ADK: variants seen among roughly 807,000 people sequenced by gnomAD.
The protein encoded by ADK is adenosine kinase.
In ADK, 24 loss-of-function variants were observed where a neutral mutation model predicts 44.7. That is an observed-to-expected ratio of 0.54 (90% CI 0.39 to 0.76). ADK has a LOEUF of 0.76. Ranked by LOEUF, ADK falls within the 30% of genes least tolerant of loss-of-function variation. The pLI is 0.00. For synonymous variants in ADK, 128 were observed against 142.6 expected (o/e 0.90, Z 0.73); for missense variants, 321 against 425.1 (o/e 0.76, Z 2.15).
intron 6 of ADK, among the ~76,000 whole-genome samples, chr10:74,470,766 G>T (rs1846555476): frequency 6.6e-6 from 1 of 151,592 alleles, no homozygotes; most frequent in Non-Finnish European, 1.5e-5. Context: ...TTCCTTTGCT[G>T]TGCAATAGTT....
At chr10:74,545,502 A>G (rs1380271835) in intron 7 of ADK, among the ~76,000 whole-genome samples, 1 of 152,236 alleles carries the variant, frequency 6.6e-6, no homozygotes, top group African/African-American at 2.4e-5. Flanking sequence ...AAGGAACTTC[A>G]GCCCCAAATT....
At chr10:74,376,636 A>G (rs1382085526) in intron 4 of ADK, among the ~76,000 whole-genome samples, 1 of 152,172 alleles carries the variant, frequency 6.6e-6, no homozygotes, top group Non-Finnish European at 1.5e-5. Flanking sequence ...ACTGCTATTT[A>G]ATATCCAATT....
chr10:74,651,577 T>A lies in ADK; in HGVS notation c.878-18606T>A, dbSNP rs189672997. On this transcript the variant is annotated intron_variant, in intron 9 of 10. Coordinates refer to ENST00000539909, the MANE Select transcript of ADK (RefSeq NM_006721.4). ...AAACCAACATTTCTTTCTTTTTTTT[T>A]ATCACTGTTGATGAAGGTTATTTAA... Among the ~76,000 whole-genome samples, 539 of 152,330 alleles carry A rather than the reference T, an allele frequency of 3.5e-3. 5 individuals carry two copies. The highest frequency in any genetic ancestry group is 0.012 in the African/African-American group (499 of 41,572).
intron 6 of ADK, among the ~76,000 whole-genome samples, chr10:74,463,974 A>G (rs956112861): frequency 1.3e-5 from 2 of 152,178 alleles, no homozygotes; most frequent in African/African-American, 2.4e-5. Context: ...TTAACAGGAA[A>G]TTTACTGAAT....
intron 9 of ADK, among the ~76,000 whole-genome samples, chr10:74,634,893 C>T (rs892427281): frequency 2.6e-5 from 4 of 151,918 alleles, no homozygotes; most frequent in East Asian, 1.9e-4. Context: ...TGCAATGAGC[C>T]GAGATAATGC....
chr10:74,493,523 T>G (rs1316595754), intron 6 of ADK, among the ~76,000 whole-genome samples: 1 of 151,386 alleles, frequency 6.6e-6, no homozygotes, highest in African/African-American at 2.4e-5. Context: ...TAGATATAGA[T>G]ATAGATATAG....
intron 1 of ADK, among the ~76,000 whole-genome samples, chr10:74,161,427 T>G (rs982508185): frequency 7.2e-5 from 11 of 152,210 alleles, no homozygotes; most frequent in Non-Finnish European, 1.6e-4. Context: ...GCCAGTATGG[T>G]CTCGATCTCC....
chr10:74,475,705 C>T (rs1846805077), intron 6 of ADK, among the ~76,000 whole-genome samples: 1 of 148,640 alleles, frequency 6.7e-6, no homozygotes, highest in South Asian at 2.1e-4. Flanking sequence ...GGCCCTGTCT[C>T]TAAACAGAGA....
At chr10:74,312,739 TAAA>T (rs1216213934) in intron 3 of ADK, among the ~76,000 whole-genome samples, 2 of 134,860 alleles carry the variant, frequency 1.5e-5, no homozygotes, top group African/African-American at 2.7e-5. Context: ...AGCCTGTCTC[TAAA>T]AAAAAAAAAA....
chr10:74,170,669 G>A (rs567542277), intron 1 of ADK, among the ~76,000 whole-genome samples: 3 of 151,524 alleles, frequency 2.0e-5, no homozygotes, highest in Non-Finnish European at 4.4e-5. Flanking sequence ...GCGTGGTGGC[G>A]GGCACCTGTA....
intron 1 of ADK, among the ~76,000 whole-genome samples, chr10:74,153,473 A>C (rs781334649): frequency 9.9e-5 from 15 of 152,166 alleles, no homozygotes; most frequent in South Asian, 2.1e-4. Context: ...TCAAATATCT[A>C]TTATTTTTCT....
chr10:74,376,459 T>G (rs1842822709), intron 4 of ADK, among the ~76,000 whole-genome samples: 1 of 152,128 alleles, frequency 6.6e-6, no homozygotes, highest in African/African-American at 2.4e-5. Flanking sequence ...CACGTTTCTA[T>G]TCTCTATCTA....
rs1001338003 is a variant in ADK at position 74,353,595 on chromosome 10, G to A, written c.273+38850G>A. On this transcript the variant is annotated intron_variant, in intron 4 of 10. Transcript: ENST00000539909. ...TAAAAAAAAAAAAAAAAAGCCAGGCGCAGTGGCTCACGCCTGTAATCCCAG... is the reference window on the plus strand; with the variant it reads ...TAAAAAAAAAAAAAAAAAGCCAGGCACAGTGGCTCACGCCTGTAATCCCAG... Among the ~76,000 whole-genome samples, 5 of 148,372 alleles carry A rather than the reference G, an allele frequency of 3.4e-5. No individual in the cohort carries two copies. In the South Asian group the frequency reaches 6.4e-4, roughly 19 times the overall value.
intron 1 of ADK, among the ~76,000 whole-genome samples, chr10:74,162,895 G>A (rs1244405455): frequency 6.6e-6 from 1 of 151,936 alleles, no homozygotes; most frequent in East Asian, 1.9e-4. Flanking sequence ...GATTATAATA[G>A]CCATTTATTA....
intron 7 of ADK, among the ~76,000 whole-genome samples, chr10:74,526,479 G>T (rs1338304062): frequency 1.3e-5 from 2 of 152,142 alleles, no homozygotes; most frequent in Non-Finnish European, 2.9e-5. Flanking sequence ...TACAATGAAG[G>T]TATTGTATTA....
intron 3 of ADK, 23 bp downstream of exon 3, chr10:74,224,614 T>G (rs148236347): frequency 1.3e-6 from 2 of 1,595,430 alleles, no homozygotes; most frequent in East Asian, 4.5e-5. Context: ...AACCATTGGT[T>G]GTAAATAGTT....
intron 3 of ADK, among the ~76,000 whole-genome samples, chr10:74,296,970 C>A (rs12573807): frequency 0.019 from 2,931 of 152,080 alleles, 72 homozygotes; most frequent in African/African-American, 0.057. Context: ...TTCCATATTA[C>A]CTATAAAAGC....
rs569671606 is a variant in ADK at position 74,222,892 on chromosome 10, G to A, written c.141-1646G>A. Among the ~76,000 whole-genome samples the A allele has an allele frequency of 3.5e-3, 534 of 151,582 alleles. 6 individuals carry two copies. Among genetic ancestry groups the A allele is most frequent in the African/African-American group, 0.011 (470 of 41,256 alleles). Reference sequence around the variant, plus strand: ...GGGGGGAGGGGGGAGCGATAGCATTGGGAGATATACCTAATGCTAGATGAC... The same window carrying A: ...GGGGGGAGGGGGGAGCGATAGCATTAGGAGATATACCTAATGCTAGATGAC... On this transcript the variant is annotated intron_variant, in intron 2 of 10. Transcript: ENST00000539909.
intron 6 of ADK, among the ~76,000 whole-genome samples, chr10:74,482,863 C>A (rs781435577): frequency 6.6e-6 from 1 of 152,190 alleles, no homozygotes; most frequent in Non-Finnish European, 1.5e-5. Flanking sequence ...AGGGCTTGGG[C>A]AGTTCTGCGT....
Sources: gnomAD v4.1 joint callset for allele counts (sites outside exome capture counted in the v4.1 genomes callset) on GRCh38, gnomAD v4.1.1 for gene constraint, MANE v1.5 for transcripts, NCBI Gene and HGNC (gene_info 2026-07-23, HGNC 2026-07-21) for gene names.